The following CSMD1 variants were observed in gnomAD, a reference collection of about 807,000 sequenced individuals.
CSMD1 encodes the protein CUB and sushi domain-containing protein 1.
Under a neutral mutation model 417.5 loss-of-function variants are expected in CSMD1, and 213 were observed. That is an observed-to-expected ratio of 0.51 (90% CI 0.46 to 0.57). CSMD1 has a LOEUF of 0.57. Among genes scored for constraint, CSMD1 ranks in the 20% least tolerant of loss-of-function variants. The pLI is 0.00. For synonymous variants in CSMD1, 2,862 were observed against 1,736.8 expected, an observed-to-expected ratio of 1.65 and a Z score of -16.11; for missense variants, 6,923 against 4,529.7, an observed-to-expected ratio of 1.53 and a Z score of -15.17.
chr8:4,147,178 C>T (rs1804189815), intron 3 of CSMD1, among the ~76,000 whole-genome samples: 1 of 152,122 alleles, frequency 6.6e-6, no homozygotes, highest in Non-Finnish European at 1.5e-5. Flanking sequence ...CTGCCCCCAC[C>T]ACCAGGCAAC....
intron 1 of CSMD1, among the ~76,000 whole-genome samples, chr8:4,748,519 A>G (rs1353899694): frequency 6.6e-6 from 1 of 152,142 alleles, no homozygotes; most frequent in African/African-American, 2.4e-5. Flanking sequence ...GTTTCTTTGT[A>G]ACTGTTCGTG....
intron 1 of CSMD1, among the ~76,000 whole-genome samples, chr8:4,923,361 T>A (rs1806629556): frequency 6.6e-6 from 1 of 152,142 alleles, no homozygotes; most frequent in East Asian, 1.9e-4. Flanking sequence ...AGGGTTGGCA[T>A]ACATTTTAAA....
intron 2 of CSMD1, among the ~76,000 whole-genome samples, chr8:4,559,874 A>G (rs181538658): frequency 1.3e-5 from 2 of 152,232 alleles, no homozygotes; most frequent in African/African-American, 4.8e-5. Context: ...CTCCAGGAAA[A>G]CGTTCTAGAG....
chr8:4,081,501 T>G (rs1378010466), intron 3 of CSMD1, among the ~76,000 whole-genome samples: 4 of 152,280 alleles, frequency 2.6e-5, no homozygotes, highest in African/African-American at 9.6e-5. Flanking sequence ...GAGGCTCACA[T>G]GACAAGGAAC....
chr8:4,751,510 A>G (rs908808169), intron 1 of CSMD1, among the ~76,000 whole-genome samples: 3 of 152,168 alleles, frequency 2.0e-5, no homozygotes, highest in African/African-American at 7.2e-5. Flanking sequence ...CATGAGCTAG[A>G]TAACTTTCTA....
At chr8:3,222,210 C>T (rs952936604) in intron 28 of CSMD1, among the ~76,000 whole-genome samples, 3 of 152,030 alleles carry the variant, frequency 2.0e-5, no homozygotes, top group African/African-American at 7.2e-5. Flanking sequence ...GTGTATAAAA[C>T]GCAGTGAAAA....
Position 3,918,323 on chromosome 8 carries a change from G to C in CSMD1, c.818+79580C>G, listed in dbSNP as rs578106184. Among the ~76,000 whole-genome samples, 71 of 152,112 alleles carry C rather than the reference G, an allele frequency of 4.7e-4. 1 individual carries two copies. The highest frequency in any genetic ancestry group is 1.6e-3 in the African/African-American group (68 of 41,492). ...GAGCCAATTTACATTCCTACCACCAGTGTACAGAGTTCCTTACTCCCCACG... is the reference window on the plus strand; with the variant it reads ...GAGCCAATTTACATTCCTACCACCACTGTACAGAGTTCCTTACTCCCCACG... On this transcript the variant is annotated intron_variant, in intron 5 of 69. Coordinates refer to ENST00000635120, the MANE Select transcript of CSMD1 (RefSeq NM_033225.6).
intron 16 of CSMD1, among the ~76,000 whole-genome samples, chr8:3,398,121 G>C (rs183149903): frequency 2.0e-5 from 3 of 152,170 alleles, no homozygotes; most frequent in Middle Eastern, 3.4e-3. Context: ...GAAAATAGAG[G>C]GCTAATAGAC....
rs140741922 is a variant in CSMD1, at chr8:3,257,171, A to G, written c.4154-26940T>C. Among the ~76,000 whole-genome samples the G allele has an allele frequency of 8.0e-4, 121 of 152,142 alleles. 1 individual carries two copies. Among genetic ancestry groups the G allele is most frequent in the African/African-American group, 2.7e-3 (113 of 41,514 alleles). ...ACCCCATCTCCGCTAAAAACACAAA[A>G]ATTTGCTGGGTTTGGTGGTGCATCC... is the stretch of plus-strand genomic sequence containing the variant. On this transcript the variant is annotated intron_variant, in intron 26 of 69. Coordinates refer to ENST00000635120, the MANE Select transcript of CSMD1 (RefSeq NM_033225.6).
chr8:4,249,077 C>T (rs1028767994), intron 3 of CSMD1, among the ~76,000 whole-genome samples: 1 of 152,178 alleles, frequency 6.6e-6, no homozygotes, highest in African/African-American at 2.4e-5. Context: ...TGCTGTTAGG[C>T]ACTCATGATC....
intron 1 of CSMD1, among the ~76,000 whole-genome samples, chr8:4,685,784 T>A (rs1806345497): frequency 6.6e-6 from 1 of 152,176 alleles, no homozygotes; most frequent in Non-Finnish European, 1.5e-5. Context: ...ATTTATTAGG[T>A]CGGTGCAAAA....
At chr8:3,075,121 C>G (rs1813562433) in intron 49 of CSMD1, among the ~76,000 whole-genome samples, 2 of 152,228 alleles carry the variant, frequency 1.3e-5, no homozygotes, top group Non-Finnish European at 2.9e-5. Context: ...CCTGATCCCC[C>G]TTCACCTTCT....
intron 3 of CSMD1, among the ~76,000 whole-genome samples, chr8:4,344,891 C>G (rs1351043463): frequency 6.6e-6 from 1 of 152,130 alleles, no homozygotes; most frequent in Non-Finnish European, 1.5e-5. Flanking sequence ...TCAAATACGT[C>G]ATGGACAAGA....
chr8:4,430,094 C>A (rs73178927), intron 2 of CSMD1, among the ~76,000 whole-genome samples: 105 of 152,240 alleles, frequency 6.9e-4, no homozygotes, highest in Non-Finnish European at 1.1e-3. Context: ...ATGTTTAAAT[C>A]CCAGAAGTGA....
At chr8:3,637,031 G>A (rs1032331737) in intron 7 of CSMD1, among the ~76,000 whole-genome samples, 10 of 151,970 alleles carry the variant, frequency 6.6e-5, no homozygotes, top group Admixed American at 3.3e-4. Context: ...ATGGAATAAC[G>A]ATGCAGAAAG....
intron 5 of CSMD1, among the ~76,000 whole-genome samples, chr8:3,891,055 T>C (rs545311954): frequency 2.6e-5 from 4 of 152,116 alleles, no homozygotes; most frequent in African/African-American, 9.6e-5. Flanking sequence ...TTTTGTTTTA[T>C]TTTATTATTT....
chr8:4,251,638 A>C (rs1415774408), intron 3 of CSMD1, among the ~76,000 whole-genome samples: 1 of 152,176 alleles, frequency 6.6e-6, no homozygotes, highest in Non-Finnish European at 1.5e-5. Flanking sequence ...CTGGCAGCTG[A>C]ATCATGACAC....
At chr8:3,960,478 C>G (rs11990840) in intron 5 of CSMD1, among the ~76,000 whole-genome samples, 2,262 of 152,190 alleles carry the variant, frequency 0.015, 49 homozygotes, top group African/African-American at 0.051. Context: ...TTATTTATGC[C>G]TTTAAAGACT....
chr8:3,846,082 C>G (rs1018522001), intron 5 of CSMD1, among the ~76,000 whole-genome samples: 2 of 137,552 alleles, frequency 1.5e-5, no homozygotes, highest in Non-Finnish European at 3.3e-5. Flanking sequence ...TAATAAGCAG[C>G]AGTAGACTTC....
Sources: gnomAD v4.1 joint callset for allele counts (sites outside exome capture counted in the v4.1 genomes callset) on GRCh38, gnomAD v4.1.1 for gene constraint, MANE v1.5 for transcripts, NCBI Gene and HGNC (gene_info 2026-07-23, HGNC 2026-07-21) for gene names.